Variants in ANGPT1 observed in about 807,000 individuals in gnomAD.
ANGPT1 encodes the protein angiopoietin 1.
ANGPT1 carries 17 observed loss-of-function variants against 62.2 expected under a neutral mutation model. The observed-to-expected ratio is 0.27, with a 90% CI of 0.19 to 0.41. The LOEUF (loss-of-function observed/expected upper bound fraction) is 0.41, where lower values mean the gene tolerates loss of function less well. Ranked by LOEUF, ANGPT1 falls within the 10% of genes least tolerant of loss-of-function variation. The pLI is 1.00. For missense variants in ANGPT1, 478 were observed against 594.9 expected, an observed-to-expected ratio of 0.80 and a Z score of 2.04; for synonymous variants, 199 against 198.9, an observed-to-expected ratio of 1.00 and a Z score of 0.00.
intron 1 of ANGPT1, among the ~76,000 whole-genome samples, chr8:107,435,634 G>A (rs1014308952): frequency 3.9e-5 from 6 of 152,174 alleles, no homozygotes; most frequent in Non-Finnish European, 7.3e-5. Flanking sequence ...ATGCTAAGAA[G>A]GGAGGCAGGT....
chr8:107,405,687 C>T lies in ANGPT1; in HGVS notation c.298-58590G>A, dbSNP rs368798016. The stretch of plus-strand genomic sequence containing the variant: ...GAAAAAATCAGAAATCTGAAACGCT[C>T]CTGGTCCCAAGTATTCTGGATAAGA... On this transcript the variant is annotated intron_variant, in intron 1 of 8. Transcript: ENST00000517746. 1.4e-4 allele frequency among the ~76,000 whole-genome samples: 21 copies of T among 152,032 alleles called. No individual in the cohort carries two copies. In the East Asian group the frequency reaches 3.9e-3, roughly 28 times the overall value.
At chr8:107,291,893 G>A (rs1275260410) in intron 6 of ANGPT1, among the ~76,000 whole-genome samples, 1 of 3,084 alleles carries the variant, frequency 3.2e-4, no homozygotes, top group Admixed American at 5.3e-3. Context: ...ACTGAAGATG[G>A]GGGGGGGGGG....
At chr8:107,461,652 T>C (rs865960027) in intron 1 of ANGPT1, among the ~76,000 whole-genome samples, 8 of 152,162 alleles carry the variant, frequency 5.3e-5, no homozygotes, top group South Asian at 2.1e-4. Flanking sequence ...GCCTGTCATT[T>C]AAAACCCATC....
rs186273214 is a variant in ANGPT1 at position 107,309,685 on chromosome 8, C to G, written c.809-6318G>C. On this transcript the variant is annotated intron_variant, in intron 4 of 8. Coordinates refer to ENST00000517746, the MANE Select transcript of ANGPT1 (RefSeq NM_001146.5). ...ATATATATAGCTACACAAATACATA[C>G]AAGCTGTATGCTTATAAATGGAAAA... Among the ~76,000 whole-genome samples the G allele has an allele frequency of 2.7e-3, 418 of 152,268 alleles. 2 individuals carry two copies. The highest frequency in any genetic ancestry group is 9.6e-3 in the African/African-American group (399 of 41,546).
chr8:107,338,204 A>T (rs1815615583), intron 2 of ANGPT1, among the ~76,000 whole-genome samples: 1 of 152,238 alleles, frequency 6.6e-6, no homozygotes, highest in African/African-American at 2.4e-5. Flanking sequence ...GCAAGGCAGG[A>T]ACTAGGCTGA....
chr8:107,383,557 G>A (rs759311165), intron 1 of ANGPT1, among the ~76,000 whole-genome samples: 8 of 151,972 alleles, frequency 5.3e-5, no homozygotes, highest in Non-Finnish European at 1.2e-4. Flanking sequence ...TAATTATACC[G>A]CCTGTCTAGG....
At chr8:107,348,295 A>T (rs2445357) in intron 1 of ANGPT1, among the ~76,000 whole-genome samples, 1 of 152,068 alleles carries the variant, frequency 6.6e-6, no homozygotes, top group Non-Finnish European at 1.5e-5. Flanking sequence ...CATAATCCAT[A>T]GTAAAATTAT....
chr8:107,273,430 C>T (rs573233158), intron 7 of ANGPT1, among the ~76,000 whole-genome samples: 1 of 152,128 alleles, frequency 6.6e-6, no homozygotes, highest in East Asian at 1.9e-4. Context: ...CCAAAGTCAT[C>T]AGTGTGCTTA....
rs1246333917 is a variant in ANGPT1, at chr8:107,336,180, T to C, written c.545A>G (p.Asn182Ser). Residue 182 changes from asparagine to serine, a missense_variant, in exon 3 of 9, where the codon AAT becomes AGT. Coordinates refer to ENST00000517746, the MANE Select transcript of ANGPT1 (RefSeq NM_001146.5). ...KLEKQLLQQT[N>S]EILKIHEKNS... ...TTTTTCATGGATCTTCAAGATTTCA[T>C]TTGTCTGTTGAAGAAGTTGCTTCTC... 1.2e-6 allele frequency: 2 copies of C among 1,605,972 alleles called. No homozygotes were observed. Among genetic ancestry groups the C allele is most frequent in the Non-Finnish European group, 1.7e-6 (2 of 1,177,916 alleles).
intron 1 of ANGPT1, among the ~76,000 whole-genome samples, chr8:107,490,008 A>T (rs1812917532): frequency 6.6e-6 from 1 of 152,186 alleles, no homozygotes; most frequent in Admixed American, 6.5e-5. Context: ...CCACACAGAG[A>T]CAAGGCTGTG....
intron 1 of ANGPT1, among the ~76,000 whole-genome samples, chr8:107,349,596 C>T (rs1339268238): frequency 6.6e-6 from 1 of 152,046 alleles, no homozygotes; most frequent in Admixed American, 6.6e-5. Context: ...ACGTGTTTTC[C>T]TTTTATAATC....
At chr8:107,334,919 C>A (rs1480293476) in intron 3 of ANGPT1, among the ~76,000 whole-genome samples, 1 of 152,094 alleles carries the variant, frequency 6.6e-6, no homozygotes, top group Non-Finnish European at 1.5e-5. Context: ...TGTCACAGTA[C>A]AAGGATAAAT....
chr8:107,417,100 A>G (rs1181609072), intron 1 of ANGPT1, among the ~76,000 whole-genome samples: 1 of 152,092 alleles, frequency 6.6e-6, no homozygotes, highest in Non-Finnish European at 1.5e-5. Context: ...GAATTTCTGT[A>G]TGGCCAGCTC....
intron 1 of ANGPT1, among the ~76,000 whole-genome samples, chr8:107,417,445 G>T (rs1461608926): frequency 1.3e-5 from 2 of 152,120 alleles, no homozygotes; most frequent in Non-Finnish European, 2.9e-5. Flanking sequence ...GGCAACATTA[G>T]CATTTGCCAA....
intron 1 of ANGPT1, among the ~76,000 whole-genome samples, chr8:107,415,844 C>T (rs1266659246): frequency 6.6e-6 from 1 of 152,132 alleles, no homozygotes; most frequent in Non-Finnish European, 1.5e-5. Context: ...ACTAGGTAGT[C>T]ATGGAGGGCT....
intron 1 of ANGPT1, among the ~76,000 whole-genome samples, chr8:107,482,898 T>C (rs1812724895): frequency 6.6e-6 from 1 of 152,208 alleles, no homozygotes; most frequent in African/African-American, 2.4e-5. Flanking sequence ...CACTTCGCCA[T>C]TGATTTCTCA....
At chr8:107,420,153 A>T (rs998189113) in intron 1 of ANGPT1, among the ~76,000 whole-genome samples, 2 of 152,164 alleles carry the variant, frequency 1.3e-5, no homozygotes, top group African/African-American at 4.8e-5. Context: ...TTAATTAATA[A>T]GCAATTACTT....
chr8:107,409,938 AATCCATCCATCCATCC>A (rs5893861), intron 1 of ANGPT1, among the ~76,000 whole-genome samples: 14,437 of 148,982 alleles, frequency 0.097, 756 homozygotes, highest in Non-Finnish European at 0.12. Context: ...ATATGTGATG[AATCCATCCATCCATCC>A]ATCCATCCAT....
chr8:107,342,882 C>T (rs547726815), intron 2 of ANGPT1, among the ~76,000 whole-genome samples: 51 of 151,656 alleles, frequency 3.4e-4, no homozygotes, highest in Admixed American at 1.2e-3. Flanking sequence ...GTCAACCATG[C>T]TGGAGTGCAG....
Sources: gnomAD v4.1 joint callset for allele counts (sites outside exome capture counted in the v4.1 genomes callset) on GRCh38, gnomAD v4.1.1 for gene constraint, MANE v1.5 for transcripts, NCBI Gene and HGNC (gene_info 2026-07-23, HGNC 2026-07-21) for gene names.